Variants in TRHDE observed in about 807,000 individuals in gnomAD.
The protein encoded by TRHDE is thyrotropin releasing hormone degrading enzyme, also known as thyrotropin-releasing hormone-degrading ectoenzyme.
A neutral mutation model predicts 125.7 loss-of-function variants in TRHDE; 72 were observed. That is an observed-to-expected ratio of 0.57 (90% CI 0.47 to 0.70). TRHDE has a LOEUF of 0.70. Ranked by LOEUF, TRHDE falls within the 30% of genes least tolerant of loss-of-function variation. The pLI is 0.00. For synonymous variants in TRHDE, 509 were observed against 509.1 expected, an observed-to-expected ratio of 1.00 and a Z score of 0.00; for missense variants, 1,110 against 1,327.1, an observed-to-expected ratio of 0.84 and a Z score of 2.54.
At chr12:72,610,486 G>A (rs537385481) in intron 12 of TRHDE, among the ~76,000 whole-genome samples, 10 of 152,278 alleles carry the variant, frequency 6.6e-5, no homozygotes, top group Non-Finnish European at 1.2e-4. Context: ...CTTTTAAAGC[G>A]TAAATCAGAT....
intron 2 of TRHDE, among the ~76,000 whole-genome samples, chr12:72,377,363 A>T (rs1871937137): frequency 6.6e-6 from 1 of 150,470 alleles, no homozygotes; most frequent in Non-Finnish European, 1.5e-5. Flanking sequence ...AAAAATCAAT[A>T]TTAAGTATCT....
intron 2 of TRHDE, among the ~76,000 whole-genome samples, chr12:72,122,186 A>G (rs1407058200): frequency 6.6e-6 from 1 of 152,098 alleles, no homozygotes; most frequent in African/African-American, 2.4e-5. Flanking sequence ...CTTCTGTGCT[A>G]CTGGCCCTGC....
At chr12:72,355,581 T>G (rs938568988) in intron 2 of TRHDE, among the ~76,000 whole-genome samples, 3 of 151,926 alleles carry the variant, frequency 2.0e-5, no homozygotes, top group African/African-American at 4.8e-5. Context: ...TAAGAGCTTC[T>G]GCACAGCAAA....
chr12:72,133,836 C>T (rs1245599131), intron 2 of TRHDE, among the ~76,000 whole-genome samples: 1 of 152,178 alleles, frequency 6.6e-6, no homozygotes, highest in Non-Finnish European at 1.5e-5. Flanking sequence ...CTGACAACAG[C>T]TGCCTCTCCT....
intron 6 of TRHDE, among the ~76,000 whole-genome samples, chr12:72,502,172 A>C (rs1262663893): frequency 2.0e-5 from 3 of 151,902 alleles, no homozygotes; most frequent in African/African-American, 7.2e-5. Context: ...ATGCTCTCTA[A>C]TCAATATTTC....
intron 7 of TRHDE, among the ~76,000 whole-genome samples, chr12:72,560,028 T>G (rs1405495339): frequency 1.3e-5 from 2 of 152,240 alleles, no homozygotes; most frequent in East Asian, 3.8e-4. Flanking sequence ...TGACTGATTA[T>G]TGAAACGCAC....
In TRHDE at chr12:72,440,424, A is replaced by G. The variant is rs188871775; in HGVS notation, c.1316-29334A>G. ...AATCTCAATTTTATTAAATTTTCAC[A>G]TACATATTTTTAAGAATAAATTGGC... On this transcript the variant is annotated intron_variant, in intron 3 of 18. Coordinates refer to ENST00000261180, the MANE Select transcript of TRHDE (RefSeq NM_013381.3). 6.6e-5 allele frequency among the ~76,000 whole-genome samples: 10 copies of G among 152,060 alleles called. No individual in the cohort carries two copies. In the East Asian group the frequency reaches 1.9e-3, roughly 29 times the overall value.
At chr12:72,099,425 A>G (rs1875015527) in intron 1 of TRHDE, among the ~76,000 whole-genome samples, 1 of 152,218 alleles carries the variant, frequency 6.6e-6, no homozygotes, top group Non-Finnish European at 1.5e-5. Flanking sequence ...ATCTTTAGGT[A>G]TAAAGACTCA....
At chr12:72,338,696 A>G (rs1167368236) in intron 2 of TRHDE, among the ~76,000 whole-genome samples, 1 of 152,194 alleles carries the variant, frequency 6.6e-6, no homozygotes, top group African/African-American at 2.4e-5. Flanking sequence ...CAGGTCGCAG[A>G]TGATGATGAA....
At chr12:72,371,714 CATGAA>C (rs1871600486) in intron 2 of TRHDE, among the ~76,000 whole-genome samples, 1 of 151,990 alleles carries the variant, frequency 6.6e-6, no homozygotes, top group Non-Finnish European at 1.5e-5. Flanking sequence ...CTACAAAGGA[CATGAA>C]CTCATCCTTT....
chr12:72,242,534 A>T (rs891114243), intron 2 of TRHDE, among the ~76,000 whole-genome samples: 3 of 152,130 alleles, frequency 2.0e-5, no homozygotes, highest in Non-Finnish European at 2.9e-5. Context: ...TGGGTGCTGT[A>T]GGGTGCTGCT....
intron 5 of TRHDE, among the ~76,000 whole-genome samples, chr12:72,488,978 A>G (rs1877536433): frequency 6.6e-6 from 1 of 151,736 alleles, no homozygotes; most frequent in Non-Finnish European, 1.5e-5. Context: ...ACATACAAAA[A>G]TCTATGAGAG....
intron 2 of TRHDE, among the ~76,000 whole-genome samples, chr12:72,174,465 C>A (rs1355448858): frequency 6.6e-6 from 1 of 152,124 alleles, no homozygotes; most frequent in Non-Finnish European, 1.5e-5. Context: ...TTCCAATTGT[C>A]CTAAATATGT....
intron 3 of TRHDE, among the ~76,000 whole-genome samples, chr12:72,391,022 C>A (rs1424967819): frequency 2.6e-5 from 4 of 151,826 alleles, no homozygotes; most frequent in Non-Finnish European, 5.9e-5. Context: ...GAAAAAAGAA[C>A]CTTAGAAAGA....
chr12:72,405,248 TATGTAAGA>T (rs761771764), intron 3 of TRHDE, among the ~76,000 whole-genome samples: 1 of 152,180 alleles, frequency 6.6e-6, no homozygotes, highest in Non-Finnish European at 1.5e-5. Context: ...GGGAACAGAT[TATGTAAGA>T]CTTCATAGAG....
At chr12:72,187,453 G>C (rs1592475503) in intron 2 of TRHDE, among the ~76,000 whole-genome samples, 2 of 147,998 alleles carry the variant, frequency 1.4e-5, no homozygotes, top group East Asian at 2.0e-4. Flanking sequence ...GGGGGGTGGT[G>C]GTGGTGGTGG....
chr12:72,368,267 G>C (rs1253988012), intron 2 of TRHDE, among the ~76,000 whole-genome samples: 1 of 152,110 alleles, frequency 6.6e-6, no homozygotes, highest in Non-Finnish European at 1.5e-5. Flanking sequence ...TAAAAAGTCT[G>C]TAAGGTACAT....
chr12:72,406,887 T>C (rs1442128415), intron 3 of TRHDE, among the ~76,000 whole-genome samples: 1 of 152,204 alleles, frequency 6.6e-6, no homozygotes, highest in African/African-American at 2.4e-5. Flanking sequence ...TTTTTCATTA[T>C]GACAAATGAT....
chr12:72,653,302 G>GAACTC (rs1309402302), intron 17 of TRHDE, 146 bp downstream of exon 17: 2 of 500,776 alleles, frequency 4.0e-6, no homozygotes, highest in Non-Finnish European at 6.6e-6. Context: ...CACTCCCGTG[G>GAACTC]AACTCCAAAT....
Sources: allele counts gnomAD v4.1 joint callset (sites outside exome capture counted in the v4.1 genomes callset), GRCh38; gene constraint gnomAD v4.1.1; transcripts MANE v1.5; gene names NCBI Gene and HGNC (gene_info 2026-07-23, HGNC 2026-07-21).